The following SYT1 variants were observed in gnomAD, a reference collection of about 807,000 sequenced individuals.
The protein encoded by SYT1 is synaptotagmin-1.
A neutral mutation model predicts 44.8 loss-of-function variants in SYT1; 8 were observed. The ratio of observed to expected loss-of-function variants is 0.18; its 90% CI spans 0.10 to 0.32. The LOEUF is 0.32. SYT1 is among the 10% of genes least tolerant of loss of function. The pLI is 1.00. For synonymous variants in SYT1, 154 were observed against 188.8 expected, an observed-to-expected ratio of 0.82 and a Z score of 1.51; for missense variants, 286 against 509.3, an observed-to-expected ratio of 0.56 and a Z score of 4.22.
intron 4 of SYT1, among the ~76,000 whole-genome samples, chr12:79,281,040 C>G (rs1256734858): frequency 1.3e-5 from 2 of 151,084 alleles, no homozygotes; most frequent in East Asian, 3.9e-4. Flanking sequence ...AACTCTTACT[C>G]ACTGTTGATG....
At chr12:79,444,237 T>A in intron 10 of SYT1, 31 bp downstream of exon 10, 1 of 1,610,604 alleles carries the variant, frequency 6.2e-7, no homozygotes. Flanking sequence ...GTCTTCCCAC[T>A]CAATTTCATT....
intron 2 of SYT1, among the ~76,000 whole-genome samples, chr12:79,043,861 T>G (rs1199273678): frequency 2.6e-5 from 4 of 152,272 alleles, no homozygotes; most frequent in East Asian, 3.9e-4. Context: ...GTCTGTAAAG[T>G]ATTTTATTTC....
At chr12:79,050,826 C>A (rs1273857300) in intron 3 of SYT1, among the ~76,000 whole-genome samples, 1 of 151,970 alleles carries the variant, frequency 6.6e-6, no homozygotes. Context: ...ACAAGTTTTA[C>A]TTAGTCAATA....
chr12:79,017,815 TAGAA>T (rs1223039204), intron 2 of SYT1, among the ~76,000 whole-genome samples: 1 of 151,982 alleles, frequency 6.6e-6, no homozygotes, highest in Non-Finnish European at 1.5e-5. Context: ...AATAAATAGA[TAGAA>T]AGAGTAACAC....
At chr12:79,171,762 G>C (rs1238565777) in intron 3 of SYT1, among the ~76,000 whole-genome samples, 1 of 151,902 alleles carries the variant, frequency 6.6e-6, no homozygotes, top group East Asian at 1.9e-4. Context: ...TGCTAGCTGT[G>C]TAACATGGAT....
intron 3 of SYT1, among the ~76,000 whole-genome samples, chr12:79,083,279 CT>C (rs981691782): frequency 6.6e-6 from 1 of 152,102 alleles, no homozygotes; most frequent in Non-Finnish European, 1.5e-5. Flanking sequence ...AAAGATAAGA[CT>C]TATATACATT....
chr12:79,012,689 G>T (rs1279284929), intron 2 of SYT1, among the ~76,000 whole-genome samples: 1 of 152,110 alleles, frequency 6.6e-6, no homozygotes, highest in Admixed American at 6.6e-5. Flanking sequence ...CTTGTGAAGT[G>T]TGTAGGCAAA....
At chr12:79,348,832 T>C (rs1285620256) in intron 8 of SYT1, among the ~76,000 whole-genome samples, 1 of 142,864 alleles carries the variant, frequency 7.0e-6, no homozygotes, top group African/African-American at 2.6e-5. Context: ...CATATAGAGA[T>C]GGTGCTCATA....
intron 9 of SYT1, among the ~76,000 whole-genome samples, chr12:79,428,402 C>T (rs1433583033): frequency 6.6e-6 from 1 of 152,096 alleles, no homozygotes; most frequent in African/African-American, 2.4e-5. Context: ...CCTGAGACCC[C>T]AAAGTTTCCT....
chr12:78,959,707 A>G (rs770047516), intron 1 of SYT1, among the ~76,000 whole-genome samples: 7 of 152,146 alleles, frequency 4.6e-5, no homozygotes, highest in Non-Finnish European at 8.8e-5. Context: ...CCATCAGAGA[A>G]GGCTGCTGAG....
At chr12:78,960,317 C>A (rs904914858) in intron 1 of SYT1, 1 of 152,140 alleles carries the variant, frequency 6.6e-6, no homozygotes, top group Non-Finnish European at 1.5e-5. Context: ...TAAATATATA[C>A]AGCAATCTGG....
At chr12:79,171,567 C>G (rs73357440) in intron 3 of SYT1, among the ~76,000 whole-genome samples, 1,589 of 152,036 alleles carry the variant, frequency 0.01, 31 homozygotes, top group African/African-American at 0.036. Context: ...AAAGTTCTTT[C>G]AAATTAATTC....
intron 9 of SYT1, among the ~76,000 whole-genome samples, chr12:79,405,948 G>C (rs927304310): frequency 6.6e-6 from 1 of 151,960 alleles, no homozygotes; most frequent in African/African-American, 2.4e-5. Flanking sequence ...GAGAGTCAAA[G>C]GGCCACTTTT....
At chr12:79,441,285 T>TTTGTTGTTG (rs746722709) in intron 9 of SYT1, among the ~76,000 whole-genome samples, 14 of 151,914 alleles carry the variant, frequency 9.2e-5, no homozygotes, top group African/African-American at 3.4e-4. Flanking sequence ...TCAGCCCTGT[T>TTTGTTGTTG]TTGTTGTTGT....
chr12:79,329,810 CTG>C (rs369289434), intron 8 of SYT1, among the ~76,000 whole-genome samples: 4 of 152,222 alleles, frequency 2.6e-5, no homozygotes, highest in African/African-American at 9.6e-5. Flanking sequence ...CATCTCTACA[CTG>C]TATCCATTGA....
chr12:79,169,810 G>T (rs1457405078), intron 3 of SYT1, among the ~76,000 whole-genome samples: 2 of 151,808 alleles, frequency 1.3e-5, no homozygotes, highest in Non-Finnish European at 2.9e-5. Context: ...ATTAATCCTG[G>T]TACCCATTAG....
intron 1 of SYT1, among the ~76,000 whole-genome samples, chr12:78,973,111 T>C (rs1007637270): frequency 2.0e-5 from 3 of 152,154 alleles, no homozygotes; most frequent in African/African-American, 7.2e-5. Context: ...CTAACAACTG[T>C]TTCTTTTAAA....
intron 3 of SYT1, among the ~76,000 whole-genome samples, chr12:79,125,670 A>G (rs915224332): frequency 1.3e-5 from 2 of 151,976 alleles, no homozygotes; most frequent in African/African-American, 4.8e-5. Context: ...AGTTCTCAGC[A>G]TATTTACACA....
intron 9 of SYT1, among the ~76,000 whole-genome samples, chr12:79,439,706 A>G (rs1870294122): frequency 6.6e-6 from 1 of 152,184 alleles, no homozygotes; most frequent in African/African-American, 2.4e-5. Flanking sequence ...TGAGCTAGGC[A>G]TTATCATTTT....
Sources: gnomAD v4.1 joint callset for allele counts (sites outside exome capture counted in the v4.1 genomes callset) on GRCh38, gnomAD v4.1.1 for gene constraint, MANE v1.5 for transcripts, NCBI Gene and HGNC (gene_info 2026-07-23, HGNC 2026-07-21) for gene names.